Variants in LIPA observed in about 807,000 individuals in gnomAD.
LIPA encodes lysosomal acid lipase/cholesteryl ester hydrolase.
LIPA carries 26 observed loss-of-function variants against 40.6 expected under a neutral mutation model. The ratio of observed to expected loss-of-function variants is 0.64; its 90% confidence interval spans 0.47 to 0.89. LIPA has a LOEUF of 0.89. Among genes scored for constraint, LIPA ranks in the 40% least tolerant of loss-of-function variants. LIPA has a pLI of 0.00. For missense variants in LIPA, 455 were observed against 479.6 expected, an observed-to-expected ratio of 0.95 and a Z score of 0.48; for synonymous variants, 188 against 168.4, an observed-to-expected ratio of 1.12 and a Z score of -0.90.
chr10:89,304,215 T>C (rs1843463322), intron 1 of LIPA, among the ~76,000 whole-genome samples: 1 of 152,122 alleles, frequency 6.6e-6, no homozygotes, highest in Non-Finnish European at 1.5e-5. Flanking sequence ...TCCAAATAGG[T>C]CTTAGCAAAG....
intron 1 of LIPA, among the ~76,000 whole-genome samples, chr10:89,316,267 G>T (rs1475867575): frequency 6.6e-6 from 1 of 152,212 alleles, no homozygotes; most frequent in Non-Finnish European, 1.5e-5. Flanking sequence ...GCAGGGCGGG[G>T]CATCGCCTCA....
At chr10:89,301,978 T>G (rs1441144359) in intron 1 of LIPA, 1 of 681,060 alleles carries the variant, frequency 1.5e-6, no homozygotes, top group Non-Finnish European at 2.4e-6. Context: ...TAACGTCAGC[T>G]GAAGGGAAAC....
At chr10:89,269,450 C>G (rs1843254300) in intron 1 of LIPA, among the ~76,000 whole-genome samples, 1 of 152,028 alleles carries the variant, frequency 6.6e-6, no homozygotes, top group African/African-American at 2.4e-5. Flanking sequence ...GTAGGTATAT[C>G]TTTAAGGATT....
chr10:89,235,541 G>A (rs1379231960), intron 3 of LIPA, among the ~76,000 whole-genome samples: 3 of 152,216 alleles, frequency 2.0e-5, no homozygotes, highest in Non-Finnish European at 2.9e-5. Flanking sequence ...CTCAAGCTCC[G>A]AAACTGAATG....
intron 1 of LIPA, among the ~76,000 whole-genome samples, chr10:89,313,169 T>G (rs1276143344): frequency 2.0e-5 from 3 of 152,220 alleles, no homozygotes; most frequent in Admixed American, 2.0e-4. Context: ...TAGACTATGA[T>G]TCAGTAGATC....
intron 2 of LIPA, among the ~76,000 whole-genome samples, chr10:89,382,526 A>G (rs745425213): frequency 1.6e-4 from 25 of 152,164 alleles, no homozygotes; most frequent in Non-Finnish European, 2.4e-4. Context: ...AGAGATTACT[A>G]CAATTGTTGA....
At chr10:89,375,213 A>G (rs1459668894) in intron 2 of LIPA, among the ~76,000 whole-genome samples, 4 of 152,226 alleles carry the variant, frequency 2.6e-5, no homozygotes, top group Non-Finnish European at 5.9e-5. Context: ...TCCATGGGTA[A>G]GTAAATGTGG....
In LIPA at chr10:89,225,133, G is replaced by A; in HGVS notation, c.634C>T (p.Pro212Ser). Reference sequence around the variant, plus strand: ...GGTAATCGTCCTAATTTGGCCATAGGGCTAGTACAGAAGGCGACGGAAGCC... The same window carrying A: ...GGTAATCGTCCTAATTTGGCCATAGAGCTAGTACAGAAGGCGACGGAAGCC... ...PVASVAFCTS[P>S]MAKLGRLPDH... is the part of the protein sequence containing the mutation. The change falls in exon 6 of 10, where the codon CCT (proline) becomes TCT (serine). Residue 212 changes from proline (P) to serine (S), a missense_variant. Coordinates refer to ENST00000336233, the MANE Select transcript of LIPA (RefSeq NM_000235.4). 1 of 1,614,120 alleles carries A rather than the reference G, an allele frequency of 6.2e-7. No individual in the cohort carries two copies. The highest frequency in any genetic ancestry group is 8.5e-7 in the Non-Finnish European group (1 of 1,180,018).
At chr10:89,383,474 T>C (rs1006474875) in intron 2 of LIPA, 5 of 1,614,188 alleles carry the variant, frequency 3.1e-6, no homozygotes, top group Non-Finnish European at 4.2e-6. Flanking sequence ...AATGTGGGAA[T>C]ACACAACCTA....
At chr10:89,339,930 T>C in intron 1 of LIPA, 1 of 1,614,190 alleles carries the variant, frequency 6.2e-7, no homozygotes, top group South Asian at 1.1e-5. Context: ...GATTAATTCA[T>C]AAGCAGAATG....
upstream of LIPA, chr10:89,414,594 C>A: frequency 2.7e-5 from 13 of 482,066 alleles, no homozygotes; most frequent in South Asian, 4.2e-4. Flanking sequence ...GCATCTGATT[C>A]AATCTCCAGT....
At chr10:89,229,753 A>C (rs1842817564) in intron 3 of LIPA, among the ~76,000 whole-genome samples, 2 of 34,524 alleles carry the variant, frequency 5.8e-5, no homozygotes, top group Admixed American at 4.3e-4. Context: ...ACTCAGTCTC[A>C]AAAAAAAAAA....
chr10:89,250,691 A>AG (rs994118120), intron 1 of LIPA, among the ~76,000 whole-genome samples: 2 of 152,256 alleles, frequency 1.3e-5, no homozygotes, highest in Non-Finnish European at 2.9e-5. Context: ...AACCGCCCAG[A>AG]GGAAGGTCCA....
chr10:89,244,585 A>AT (rs1161787838), intron 3 of LIPA, among the ~76,000 whole-genome samples: 13 of 152,176 alleles, frequency 8.5e-5, no homozygotes, highest in Non-Finnish European at 1.5e-4. Flanking sequence ...TCCGTCTCAA[A>AT]AAAATAAATA....
chr10:89,224,442 C>G (rs1223812904), intron 6 of LIPA, among the ~76,000 whole-genome samples: 1 of 152,162 alleles, frequency 6.6e-6, no homozygotes, highest in African/African-American at 2.4e-5. Flanking sequence ...AGACGTTATA[C>G]CTCATTTCAT....
chr10:89,392,466 T>TCACC, intron 2 of LIPA: 1 of 285,990 alleles, frequency 3.5e-6, no homozygotes, highest in South Asian at 5.5e-5. Context: ...AAAGTTTCAT[T>TCACC]CCCCACCCCC....
intron 3 of LIPA, among the ~76,000 whole-genome samples, chr10:89,231,367 A>G (rs72814725): frequency 0.073 from 11,137 of 152,284 alleles, 532 homozygotes; most frequent in Non-Finnish European, 0.12. Context: ...CTGCTCACAT[A>G]CATGAAAATA....
intron 2 of LIPA, among the ~76,000 whole-genome samples, chr10:89,406,993 C>T (rs145283711): frequency 8.5e-5 from 13 of 152,248 alleles, no homozygotes; most frequent in East Asian, 5.8e-4. Flanking sequence ...CTAGTGTGGC[C>T]GCCAGACTAA....
At chr10:89,375,884 G>C (rs1418657535) in intron 2 of LIPA, among the ~76,000 whole-genome samples, 1 of 152,080 alleles carries the variant, frequency 6.6e-6, no homozygotes, top group East Asian at 1.9e-4. Flanking sequence ...ATGATATCCT[G>C]TGCTTGTAAG....
Sources: allele counts gnomAD v4.1 joint callset (sites outside exome capture counted in the v4.1 genomes callset), GRCh38; gene constraint gnomAD v4.1.1; transcripts MANE v1.5; gene names NCBI Gene and HGNC (gene_info 2026-07-23, HGNC 2026-07-21).